Variants in WDR7 observed in about 807,000 individuals in gnomAD.
WDR7 encodes WD repeat domain 7.
A neutral mutation model predicts 169.4 loss-of-function variants in WDR7; 46 were observed. The observed-to-expected ratio is 0.27, with a 90% CI of 0.21 to 0.35. The LOEUF (loss-of-function observed/expected upper bound fraction) is 0.35, where lower values mean the gene tolerates loss of function less well. Among genes scored for constraint, WDR7 ranks in the 10% least tolerant of loss-of-function variants. The pLI is 1.00. For missense variants in WDR7, 1,534 were observed against 1,859.3 expected, an observed-to-expected ratio of 0.83 and a Z score of 3.22; for synonymous variants, 612 against 666.8, an observed-to-expected ratio of 0.92 and a Z score of 1.27.
At chr18:57,032,589 T>G (rs968398659), downstream of WDR7, 1 of 152,072 alleles carries the variant, frequency 6.6e-6, no homozygotes, top group Non-Finnish European at 1.5e-5. Context: ...CAGCCTCCTG[T>G]CATATCAGCT....
intron 25 of WDR7, among the ~76,000 whole-genome samples, chr18:56,953,439 A>G (rs1285079897): frequency 6.6e-6 from 1 of 152,274 alleles, no homozygotes; most frequent in African/African-American, 2.4e-5. Context: ...CTCAACAAAT[A>G]GGAATCAAAA....
intron 17 of WDR7, among the ~76,000 whole-genome samples, 170 bp downstream of exon 17, chr18:56,777,050 T>C (rs2044252645): frequency 6.6e-6 from 1 of 152,240 alleles, no homozygotes; most frequent in African/African-American, 2.4e-5. Context: ...GTTTTAAAAA[T>C]GTAATGTTAC....
At chr18:56,795,159 C>A (rs965527159) in intron 19 of WDR7, among the ~76,000 whole-genome samples, 5 of 152,114 alleles carry the variant, frequency 3.3e-5, no homozygotes, top group African/African-American at 9.7e-5. Flanking sequence ...TATAATGATT[C>A]ATATCATTTT....
intron 12 of WDR7, among the ~76,000 whole-genome samples, chr18:56,708,666 G>T (rs962909690): frequency 3.3e-5 from 5 of 152,198 alleles, no homozygotes; most frequent in Admixed American, 6.5e-5. Context: ...CAGGCGCGGT[G>T]GCTGACGCCT....
At chr18:56,745,248 C>T (rs1182259756) in intron 14 of WDR7, among the ~76,000 whole-genome samples, 1 of 152,164 alleles carries the variant, frequency 6.6e-6, no homozygotes, top group Non-Finnish European at 1.5e-5. Context: ...CATTTGAAAG[C>T]CCACACTTAC....
Position 56,816,155 on chromosome 18 carries a change from A to C in WDR7, c.3304+11A>C. On this transcript the variant is annotated intron_variant, in intron 20 of 27. Coordinates refer to ENST00000254442, the MANE Select transcript of WDR7 (RefSeq NM_015285.3). ...ATGACATCACCACTGGTAAGCACAG[A>C]CATCTTTAACGTCTGATTGGAGCTT... The C allele has an allele frequency of 6.3e-7, 1 of 1,597,656 alleles. No individual in the cohort carries two copies. The highest frequency in any genetic ancestry group is 8.5e-7 in the Non-Finnish European group (1 of 1,173,672).
At chr18:56,895,362 A>T (rs931031748) in intron 21 of WDR7, among the ~76,000 whole-genome samples, 9 of 151,982 alleles carry the variant, frequency 5.9e-5, no homozygotes, top group Non-Finnish European at 1.2e-4. Context: ...AAAAATTTTT[A>T]AAGGCTACAG....
chr18:56,900,524 T>C (rs1382451174), intron 21 of WDR7, among the ~76,000 whole-genome samples: 1 of 152,170 alleles, frequency 6.6e-6, no homozygotes, highest in East Asian at 1.9e-4. Context: ...GGTCCAGAGA[T>C]ACTATGTGCA....
At chr18:56,763,735 T>G (rs1487411857) in intron 16 of WDR7, among the ~76,000 whole-genome samples, 1 of 152,168 alleles carries the variant, frequency 6.6e-6, no homozygotes, top group Admixed American at 6.5e-5. Context: ...ATGGGAAGGT[T>G]TTTAACTACG....
chr18:56,804,600 A>T (rs1015732573), intron 19 of WDR7, among the ~76,000 whole-genome samples: 3 of 152,160 alleles, frequency 2.0e-5, no homozygotes, highest in Non-Finnish European at 4.4e-5. Context: ...ATAAAGAAGT[A>T]AGTCAAAAAG....
intron 26 of WDR7, among the ~76,000 whole-genome samples, chr18:57,008,386 T>C (rs1232406447): frequency 6.6e-6 from 1 of 152,204 alleles, no homozygotes; most frequent in Non-Finnish European, 1.5e-5. Flanking sequence ...CTATTGACTA[T>C]GAATTAAGTC....
chr18:56,976,138 G>A (rs1298447893), intron 26 of WDR7, among the ~76,000 whole-genome samples: 1 of 152,094 alleles, frequency 6.6e-6, no homozygotes, highest in Non-Finnish European at 1.5e-5. Context: ...AGTCGATCAG[G>A]GCTTCATTGA....
chr18:56,865,265 C>T (rs1372548761), intron 20 of WDR7, among the ~76,000 whole-genome samples: 1 of 151,998 alleles, frequency 6.6e-6, no homozygotes, highest in Non-Finnish European at 1.5e-5. Flanking sequence ...ATTTAGCACT[C>T]AAAGTATACT....
At chr18:56,864,314 TTATA>T (rs1196852672) in intron 20 of WDR7, among the ~76,000 whole-genome samples, 2 of 151,582 alleles carry the variant, frequency 1.3e-5, no homozygotes, top group Non-Finnish European at 3.0e-5. Flanking sequence ...AATGAAATGT[TTATA>T]TAATGTCATG....
intron 22 of WDR7, among the ~76,000 whole-genome samples, chr18:56,926,214 T>C (rs554316392): frequency 6.6e-6 from 1 of 152,274 alleles, no homozygotes; most frequent in African/African-American, 2.4e-5. Context: ...AGTCTGTGCC[T>C]ATAGTACGAG....
chr18:56,885,270 T>G (rs28789140), intron 21 of WDR7, among the ~76,000 whole-genome samples: 7,594 of 151,958 alleles, frequency 0.05, 673 homozygotes, highest in African/African-American at 0.18. Context: ...CAGCAATGGA[T>G]CCAAACCAAG....
chr18:57,026,077 T>C (rs912274575), intron 27 of WDR7, among the ~76,000 whole-genome samples: 2 of 152,226 alleles, frequency 1.3e-5, no homozygotes, highest in African/African-American at 4.8e-5. Flanking sequence ...ATAGCACACA[T>C]AATGCTATTG....
At chr18:57,011,410 A>G (rs1270993353) in intron 26 of WDR7, among the ~76,000 whole-genome samples, 2 of 152,258 alleles carry the variant, frequency 1.3e-5, no homozygotes, top group African/African-American at 4.8e-5. Context: ...TATATCTTAC[A>G]ATAAAACTTA....
At chr18:56,879,530 G>T (rs76657813) in intron 20 of WDR7, among the ~76,000 whole-genome samples, 2,271 of 152,218 alleles carry the variant, frequency 0.015, 57 homozygotes, top group African/African-American at 0.05. Context: ...CTCTGATTCT[G>T]TGGGTTGTCT....
Sources: allele counts gnomAD v4.1 joint callset (sites outside exome capture counted in the v4.1 genomes callset), GRCh38; gene constraint gnomAD v4.1.1; transcripts MANE v1.5; gene names NCBI Gene and HGNC (gene_info 2026-07-23, HGNC 2026-07-21).